Variants in DGLUCY observed in about 807,000 individuals in gnomAD.
DGLUCY encodes D-glutamate cyclase, mitochondrial.
Under a neutral mutation model 58.5 loss-of-function variants are expected in DGLUCY, and 58 were observed. The ratio of observed to expected loss-of-function variants is 0.99; its 90% CI spans 0.80 to 1.23. DGLUCY has a LOEUF of 1.23. Among genes scored for constraint, DGLUCY ranks in the 50% most tolerant of loss-of-function variants. The probability of loss-of-function intolerance (pLI) is 0.00; values close to 1 mark genes in which losing one functional copy is unlikely to be tolerated. For synonymous variants in DGLUCY, 325 were observed against 314.1 expected (o/e 1.03, Z -0.37); for missense variants, 779 against 784.7 (o/e 0.99, Z 0.09).
At chr14:91,070,958 C>G (rs367937127) in intron 1 of DGLUCY, among the ~76,000 whole-genome samples, 3 of 152,062 alleles carry the variant, frequency 2.0e-5, no homozygotes, top group East Asian at 3.8e-4. Flanking sequence ...TGTTAAAGGA[C>G]AATGAAGCAA....
At chr14:91,163,915 G>A (rs2048129236) in intron 3 of DGLUCY, among the ~76,000 whole-genome samples, 1 of 152,190 alleles carries the variant, frequency 6.6e-6, no homozygotes, top group East Asian at 1.9e-4. Context: ...AATCTGACAG[G>A]GCAATTGTCC....
intron 1 of DGLUCY, among the ~76,000 whole-genome samples, chr14:91,150,983 C>T (rs980356456): frequency 5.9e-5 from 9 of 152,160 alleles, no homozygotes; most frequent in African/African-American, 2.2e-4. Flanking sequence ...TCTCCTGGAC[C>T]CAGCCTGTGG....
At chr14:91,118,390 G>A (rs2045133893) in intron 1 of DGLUCY, among the ~76,000 whole-genome samples, 1 of 152,008 alleles carries the variant, frequency 6.6e-6, no homozygotes, top group Admixed American at 6.6e-5. Context: ...TCTCTTATCA[G>A]GCCTTAAAAG....
chr14:91,174,035 C>A (rs1056362200), intron 6 of DGLUCY, among the ~76,000 whole-genome samples: 1 of 150,604 alleles, frequency 6.6e-6, no homozygotes, highest in Non-Finnish European at 1.5e-5. Flanking sequence ...CTCCACCCCT[C>A]CCCGCAACCT....
At chr14:91,133,237 G>T (rs1436873808) in intron 1 of DGLUCY, among the ~76,000 whole-genome samples, 1 of 152,104 alleles carries the variant, frequency 6.6e-6, no homozygotes, top group South Asian at 2.1e-4. Flanking sequence ...GGAGGTTGCA[G>T]TGAGCCGAGA....
chr14:91,101,480 T>C (rs2044485975), intron 1 of DGLUCY, among the ~76,000 whole-genome samples: 1 of 152,244 alleles, frequency 6.6e-6, no homozygotes, highest in Non-Finnish European at 1.5e-5. Context: ...ACTGTGGAGA[T>C]GCTCAGAAAG....
chr14:91,080,585 G>T (rs2044107304), intron 1 of DGLUCY, among the ~76,000 whole-genome samples: 1 of 152,078 alleles, frequency 6.6e-6, no homozygotes, highest in South Asian at 2.1e-4. Flanking sequence ...TGGTCAGGCT[G>T]TTCTCGAACT....
chr14:91,146,112 A>G (rs1398300744), intron 1 of DGLUCY, among the ~76,000 whole-genome samples: 1 of 152,172 alleles, frequency 6.6e-6, no homozygotes, highest in East Asian at 1.9e-4. Flanking sequence ...AGCTCAAGCC[A>G]TCCACCCTCC....
intron 13 of DGLUCY, among the ~76,000 whole-genome samples, chr14:91,219,142 T>G (rs936096441): frequency 2.6e-5 from 4 of 151,152 alleles, no homozygotes; most frequent in Admixed American, 2.6e-4. Flanking sequence ...ATGACACCAC[T>G]GCACTCCAGC....
At chr14:91,175,727 C>G (rs768264755) in intron 6 of DGLUCY, 3 of 473,534 alleles carry the variant, frequency 6.3e-6, no homozygotes, top group Non-Finnish European at 1.1e-5. Flanking sequence ...TTTTCTGAAA[C>G]CACCATGCCA....
upstream of DGLUCY, chr14:91,114,047 C>G (rs548307884): frequency 6.6e-6 from 1 of 152,382 alleles, no homozygotes. Context: ...GAGGAGACCA[C>G]GCTGCTGCAT....
intron 13 of DGLUCY, among the ~76,000 whole-genome samples, chr14:91,217,239 A>G (rs1886674331): frequency 6.6e-6 from 1 of 152,174 alleles, no homozygotes; most frequent in Admixed American, 6.5e-5. Flanking sequence ...GTCAGATGTG[A>G]CTTCACCTGT....
In DGLUCY at chr14:91,176,067, G is replaced by T; in HGVS notation, c.730+11G>T. On this transcript the variant is annotated intron_variant, in intron 7 of 13. Transcript: ENST00000256324. Reference sequence around the variant, plus strand: ...CTGTCAGCAGCTGTGGTACGTTGGGGGATAATGGGACAATCGATCTGCCCT... The same window carrying T: ...CTGTCAGCAGCTGTGGTACGTTGGGTGATAATGGGACAATCGATCTGCCCT... The T allele has an allele frequency of 6.2e-7, 1 of 1,613,438 alleles. No homozygotes were observed. The highest frequency in any genetic ancestry group is 8.5e-7 in the Non-Finnish European group (1 of 1,179,594).
intron 7 of DGLUCY, among the ~76,000 whole-genome samples, chr14:91,180,392 T>G (rs936065541): frequency 2.6e-5 from 4 of 151,174 alleles, no homozygotes; most frequent in Non-Finnish European, 5.9e-5. Context: ...GATAACATGG[T>G]AAAACACTGT....
At chr14:91,097,980 G>A (rs1344251379) in intron 1 of DGLUCY, among the ~76,000 whole-genome samples, 1 of 152,176 alleles carries the variant, frequency 6.6e-6, no homozygotes. Flanking sequence ...CTAGTTTGTA[G>A]CATTTGCCAA....
chr14:91,175,786 C>T (rs1296182754), intron 6 of DGLUCY, 148 bp from the exon 7 acceptor site: 1 of 859,000 alleles, frequency 1.2e-6, no homozygotes, highest in Non-Finnish European at 1.8e-6. Context: ...GCCTTAATCC[C>T]TATTCTCCTT....
intron 1 of DGLUCY, among the ~76,000 whole-genome samples, chr14:91,061,138 C>A (rs1222247786): frequency 6.6e-6 from 1 of 152,104 alleles, no homozygotes; most frequent in African/African-American, 2.4e-5. Flanking sequence ...CGCTTATCAC[C>A]CACGTGTTTG....
At position 91,204,795 on chromosome 14, in the gene DGLUCY, G is replaced by A. The variant is rs34523602; in HGVS notation, c.1534G>A (p.Asp512Asn). ...ACGGCACGGGGATGTCATCGCCTGC[G>A]ACGTGGAGGCTGACTTTGCCGTCAT... is the stretch of plus-strand genomic sequence containing the variant. Reference protein sequence around the residue: ...HIRHGDVIACDVEADFAVIAG... With the variant: ...HIRHGDVIACNVEADFAVIAG... Residue 512 changes from aspartate to asparagine, a missense_variant, in exon 12 of 14, where the codon GAC becomes AAC. By Grantham distance (23) the Asp-to-Asn change is conservative. Coordinates refer to ENST00000256324, the MANE Select transcript of DGLUCY (RefSeq NM_001102368.3). 2.8e-3 allele frequency: 4,467 copies of A among 1,614,076 alleles called. 98 individuals carry two copies. In the African/African-American group the frequency reaches 0.047, roughly 17 times the overall value.
chr14:91,150,237 A>AAG (rs1210242938), intron 1 of DGLUCY, among the ~76,000 whole-genome samples: 13 of 150,960 alleles, frequency 8.6e-5, no homozygotes, highest in African/African-American at 2.9e-4. Flanking sequence ...AAAAAAAAAA[A>AAG]AAAAATCCAG....
Sources: gnomAD v4.1 joint callset for allele counts (sites outside exome capture counted in the v4.1 genomes callset) on GRCh38, gnomAD v4.1.1 for gene constraint, MANE v1.5 for transcripts, NCBI Gene and HGNC (gene_info 2026-07-23, HGNC 2026-07-21) for gene names.